The following PEPD variants were observed in gnomAD, a reference collection of about 807,000 sequenced individuals.
PEPD encodes the protein peptidase D.
In PEPD, 53 loss-of-function variants were observed where a neutral mutation model predicts 60.7. That is an observed-to-expected ratio of 0.87 (90% CI 0.70 to 1.10). The LOEUF is 1.10. PEPD is among the 50% of genes least tolerant of loss of function. The pLI, the probability that PEPD is intolerant of heterozygous loss-of-function variation, is 0.00. For missense variants in PEPD, 711 were observed against 711.9 expected (o/e 1.00, Z 0.01); for synonymous variants, 267 against 284.1 (o/e 0.94, Z 0.60).
chr19:33,444,728 C>T (rs1969560118), intron 9 of PEPD, among the ~76,000 whole-genome samples: 1 of 151,876 alleles, frequency 6.6e-6, no homozygotes, highest in Admixed American at 6.6e-5. Context: ...CAGGCACTCC[C>T]CAGCTCCCAG....
intron 1 of PEPD, 83 bp from the exon 2 acceptor site, chr19:33,512,859 G>T: frequency 2.0e-6 from 3 of 1,504,684 alleles, no homozygotes; most frequent in Non-Finnish European, 2.8e-6. Flanking sequence ...GGGGTGACCG[G>T]AGGCCCGAGC....
At chr19:33,515,698 G>A (rs1012085731) in intron 1 of PEPD, among the ~76,000 whole-genome samples, 5 of 147,912 alleles carry the variant, frequency 3.4e-5, no homozygotes, top group Non-Finnish European at 7.4e-5. Flanking sequence ...AGCCACAGTC[G>A]TCGAATAGCA....
intron 5 of PEPD, among the ~76,000 whole-genome samples, chr19:33,492,854 T>C (rs1970526823): frequency 6.6e-6 from 1 of 152,254 alleles, no homozygotes; most frequent in South Asian, 2.1e-4. Context: ...TCGCTACTTA[T>C]CACTGATGAC....
intron 9 of PEPD, among the ~76,000 whole-genome samples, chr19:33,416,578 G>C (rs1968895962): frequency 6.6e-6 from 1 of 152,180 alleles, no homozygotes; most frequent in South Asian, 2.1e-4. Flanking sequence ...CCCCAGCCAG[G>C]CTCAAGCCCA....
At chr19:33,428,041 A>G (rs577542057) in intron 9 of PEPD, among the ~76,000 whole-genome samples, 1 of 152,076 alleles carries the variant, frequency 6.6e-6, no homozygotes, top group South Asian at 2.1e-4. Flanking sequence ...CTTGTAAGAG[A>G]CACGCTTGAA....
In PEPD at chr19:33,391,355, C is replaced by T; in HGVS notation, c.1092G>A (p.Met364Ile). 6.2e-7 allele frequency: 1 copy of T among 1,610,636 alleles called. No individual in the cohort carries two copies. The highest frequency in any genetic ancestry group is 8.5e-7 in the Non-Finnish European group (1 of 1,178,936). ...MVQAHLGAVF[M>I]PHGLGHFLGI... ...CCAGGAAGTGGCCAAGCCCGTGAGG[C>T]ATAAACACGGCCCCCAGGTGAGCCT... The change falls in exon 13 of 15, where the codon ATG becomes ATA. Residue 364 changes from methionine to isoleucine, a missense_variant. Coordinates refer to ENST00000244137, the MANE Select transcript of PEPD (RefSeq NM_000285.4).
chr19:33,474,529 A>T (rs1970181395), intron 7 of PEPD, among the ~76,000 whole-genome samples: 1 of 152,144 alleles, frequency 6.6e-6, no homozygotes, highest in Non-Finnish European at 1.5e-5. Context: ...CTCTACTAAA[A>T]ATGCAAAAAG....
intron 9 of PEPD, among the ~76,000 whole-genome samples, chr19:33,433,557 T>A (rs1158408455): frequency 6.6e-6 from 1 of 152,240 alleles, no homozygotes; most frequent in African/African-American, 2.4e-5. Flanking sequence ...GGTCTTTTTA[T>A]TAACTAATGC....
chr19:33,402,556 C>T (rs975258967), intron 11 of PEPD, among the ~76,000 whole-genome samples: 17 of 152,298 alleles, frequency 1.1e-4, no homozygotes, highest in Admixed American at 3.9e-4. Flanking sequence ...GGGGATGGGA[C>T]GGACATATTC....
chr19:33,505,544 G>A (rs959800852), intron 3 of PEPD, among the ~76,000 whole-genome samples: 13 of 151,986 alleles, frequency 8.6e-5, no homozygotes, highest in Non-Finnish European at 1.9e-4. Context: ...ACGGCAAAGA[G>A]GGCCCCCGAC....
chr19:33,467,737 G>C (rs1970047194), intron 7 of PEPD, among the ~76,000 whole-genome samples: 1 of 152,172 alleles, frequency 6.6e-6, no homozygotes, highest in Non-Finnish European at 1.5e-5. Flanking sequence ...AGGAGTCGCT[G>C]GTTTCATGAT....
At position 33,510,591 on chromosome 19, in the gene PEPD, T is replaced by C. The variant is rs151307849; in HGVS notation, c.329+437A>G. On this transcript the variant is annotated intron_variant, in intron 3 of 14. Coordinates refer to ENST00000244137, the MANE Select transcript of PEPD (RefSeq NM_000285.4). ...CTACACATGTGGGGATATTTGGGGA[T>C]GTTCTACACATGTGGGGCGGCCATG... 4.7e-4 allele frequency among the ~76,000 whole-genome samples: 71 copies of C among 152,272 alleles called. 1 individual carries two copies. In the East Asian group the frequency reaches 0.011, roughly 24 times the overall value.
chr19:33,509,187 G>A (rs1346318016), intron 3 of PEPD, among the ~76,000 whole-genome samples: 1 of 152,246 alleles, frequency 6.6e-6, no homozygotes, highest in Admixed American at 6.5e-5. Flanking sequence ...TAAAGATCAC[G>A]ACAGGATGGG....
intron 1 of PEPD, among the ~76,000 whole-genome samples, chr19:33,513,035 A>C (rs1253407564): frequency 7.0e-6 from 1 of 143,520 alleles, no homozygotes. Context: ...CCCCCAACCA[A>C]CTGCACAGCA....
At chr19:33,408,253 G>A (rs574672184) in intron 11 of PEPD, among the ~76,000 whole-genome samples, 15 of 152,358 alleles carry the variant, frequency 9.8e-5, no homozygotes, top group African/African-American at 3.4e-4. Flanking sequence ...CCTGAGCTCT[G>A]CCTGTGGCTC....
chr19:33,480,646 T>A (rs1970297002), intron 6 of PEPD, among the ~76,000 whole-genome samples: 1 of 152,024 alleles, frequency 6.6e-6, no homozygotes, highest in South Asian at 2.1e-4. Flanking sequence ...AACACAAAAA[T>A]TAGCAGAGCA....
At chr19:33,460,849 C>A (rs1969912454) in intron 9 of PEPD, among the ~76,000 whole-genome samples, 1 of 152,152 alleles carries the variant, frequency 6.6e-6, no homozygotes, top group Admixed American at 6.5e-5. Context: ...CTGGTCCACG[C>A]AGGAGGCGGC....
At chr19:33,439,738 G>C (rs973783098) in intron 9 of PEPD, among the ~76,000 whole-genome samples, 2 of 152,204 alleles carry the variant, frequency 1.3e-5, no homozygotes, top group Non-Finnish European at 2.9e-5. Context: ...CAGCTCGTGT[G>C]GGGTGGCTGG....
intron 4 of PEPD, among the ~76,000 whole-genome samples, chr19:33,497,417 C>T (rs967258772): frequency 6.6e-5 from 10 of 152,266 alleles, no homozygotes; most frequent in Non-Finnish European, 1.0e-4. Context: ...GGCAGAGCCT[C>T]GGGGCCCCAC....
Sources: allele counts gnomAD v4.1 joint callset (sites outside exome capture counted in the v4.1 genomes callset), GRCh38; gene constraint gnomAD v4.1.1; transcripts MANE v1.5; gene names NCBI Gene and HGNC (gene_info 2026-07-23, HGNC 2026-07-21).